The following DOCK5 variants were observed in gnomAD, a reference collection of about 807,000 sequenced individuals.
The protein encoded by DOCK5 is dedicator of cytokinesis protein 5.
A neutral mutation model predicts 251.8 loss-of-function variants in DOCK5; 142 were observed. That is an observed-to-expected ratio of 0.56 (90% CI 0.49 to 0.65). DOCK5 has a LOEUF of 0.65. Ranked by LOEUF, DOCK5 falls within the 30% of genes least tolerant of loss-of-function variation. The probability of loss-of-function intolerance (pLI) is 0.00; values close to 1 mark genes in which losing one functional copy is unlikely to be tolerated. For missense variants in DOCK5, 2,111 were observed against 2,312.3 expected (o/e 0.91, Z 1.79); for synonymous variants, 842 against 835.5 (o/e 1.01, Z -0.13).
At chr8:25,302,906 G>A (rs758115520) in intron 10 of DOCK5, among the ~76,000 whole-genome samples, 43 of 152,214 alleles carry the variant, frequency 2.8e-4, no homozygotes, top group Non-Finnish European at 5.9e-4. Flanking sequence ...TCAGGGGCTG[G>A]AGAGGGGGAA....
At chr8:25,235,865 T>G (rs1802783626) in intron 1 of DOCK5, among the ~76,000 whole-genome samples, 1 of 148,904 alleles carries the variant, frequency 6.7e-6, no homozygotes, top group Non-Finnish European at 1.5e-5. Flanking sequence ...TGGCACGATC[T>G]CAGCTCACTG....
intron 22 of DOCK5, among the ~76,000 whole-genome samples, chr8:25,337,515 G>GT (rs1805844951): frequency 1.3e-5 from 2 of 151,176 alleles, no homozygotes; most frequent in Non-Finnish European, 2.9e-5. Flanking sequence ...AAAAATGAAT[G>GT]TGAAAGTATG....
chr8:25,408,965 G>A, intron 50 of DOCK5, 25 bp downstream of exon 50: 1 of 1,613,822 alleles, frequency 6.2e-7, no homozygotes, highest in Non-Finnish European at 8.5e-7. Context: ...ATTCCTTATA[G>A]TCTTTTTACT....
rs545745425 is a variant in DOCK5 at position 25,270,656 on chromosome 8, C to T, written c.168+1771C>T. On this transcript the variant is annotated intron_variant, in intron 3 of 51. Coordinates refer to ENST00000276440, the MANE Select transcript of DOCK5 (RefSeq NM_024940.8). ...GATTTTTCACTGCGAAATTCAATTA[C>T]GTTCAACCAAGGTCCTAGATCAGGT... 235 of 416,472 alleles carry T rather than the reference C, an allele frequency of 5.6e-4. 5 individuals carry two copies. In the South Asian group the frequency reaches 0.021, roughly 36 times the overall value. The allele number at this position is 416,472 out of a possible 1,614,324, so 25.8% of individuals were successfully genotyped here.
chr8:25,355,019 A>G (rs1212525035), intron 27 of DOCK5, among the ~76,000 whole-genome samples: 2 of 152,158 alleles, frequency 1.3e-5, no homozygotes, highest in African/African-American at 4.8e-5. Context: ...GTATTGCTTA[A>G]AGCCAGGAGT....
intron 26 of DOCK5, among the ~76,000 whole-genome samples, chr8:25,349,673 CA>C (rs1800432055): frequency 6.6e-6 from 1 of 152,118 alleles, no homozygotes; most frequent in Non-Finnish European, 1.5e-5. Context: ...AATGGAAAAT[CA>C]AATATTATAT....
intron 2 of DOCK5, among the ~76,000 whole-genome samples, chr8:25,260,720 A>C (rs1803554313): frequency 3.3e-5 from 5 of 152,200 alleles, no homozygotes; most frequent in African/African-American, 1.2e-4. Flanking sequence ...TGTATAATGA[A>C]TGAATGACCA....
chr8:25,392,060 C>A, intron 43 of DOCK5, 80 bp downstream of exon 43: 2 of 1,360,278 alleles, frequency 1.5e-6, no homozygotes, highest in Non-Finnish European at 2.0e-6. Flanking sequence ...TCCCAGCATT[C>A]TGGGAGGCCG....
chr8:25,185,473 C>G (rs1479291045), intron 1 of DOCK5, among the ~76,000 whole-genome samples: 1 of 152,114 alleles, frequency 6.6e-6, no homozygotes, highest in African/African-American at 2.4e-5. Context: ...AGACTGGGAT[C>G]TTGATGACAG....
At chr8:25,271,921 G>C (rs1033519757) in intron 3 of DOCK5, among the ~76,000 whole-genome samples, 1 of 152,124 alleles carries the variant, frequency 6.6e-6, no homozygotes, top group African/African-American at 2.4e-5. Flanking sequence ...GTGTCATCAT[G>C]GAAAGGTGAA....
chr8:25,304,329 T>C lies in DOCK5; in HGVS notation c.1049+2T>C, dbSNP rs1364526227. 1 of 1,606,266 alleles carries C rather than the reference T, an allele frequency of 6.2e-7. No homozygotes were observed. The highest frequency in any genetic ancestry group is 8.5e-7 in the Non-Finnish European group (1 of 1,176,380). On this transcript the variant is annotated splice_donor_variant, in intron 11 of 51. Transcript: ENST00000276440. LOFTEE classifies it high-confidence loss of function. ...GCAGCATTTTATTCCCTTTCAGCAG[T>C]AAGTACTTTGGCATGTGTCCCAGGT...
At chr8:25,256,079 A>G (rs1337162324) in intron 2 of DOCK5, among the ~76,000 whole-genome samples, 1 of 152,224 alleles carries the variant, frequency 6.6e-6, no homozygotes, top group Non-Finnish European at 1.5e-5. Context: ...CAAGCTACAA[A>G]TAAGAATGGA....
intron 1 of DOCK5, among the ~76,000 whole-genome samples, chr8:25,217,383 C>T (rs540669595): frequency 2.0e-4 from 31 of 152,074 alleles, no homozygotes; most frequent in Admixed American, 1.2e-3. Context: ...TAATGAACAA[C>T]TTAAAAACGG....
chr8:25,305,858 C>G (rs1456406461), intron 11 of DOCK5, among the ~76,000 whole-genome samples: 1 of 152,140 alleles, frequency 6.6e-6, no homozygotes, highest in Non-Finnish European at 1.5e-5. Context: ...CCATGATTAA[C>G]AGTGATTATT....
At chr8:25,230,258 C>G (rs1348396032) in intron 1 of DOCK5, among the ~76,000 whole-genome samples, 1 of 152,138 alleles carries the variant, frequency 6.6e-6, no homozygotes, top group African/African-American at 2.4e-5. Flanking sequence ...ACCAGGAGCA[C>G]CAGTGGTATC....
At chr8:25,323,527 G>A (rs80344142) in intron 16 of DOCK5, among the ~76,000 whole-genome samples, 5,563 of 152,210 alleles carry the variant, frequency 0.037, 315 homozygotes, top group African/African-American at 0.13. Flanking sequence ...GCAAGATGGA[G>A]AGAGAAGAGA....
intron 16 of DOCK5, among the ~76,000 whole-genome samples, 181 bp from the exon 17 acceptor site, chr8:25,323,667 T>C (rs1805484750): frequency 6.6e-6 from 1 of 152,028 alleles, no homozygotes; most frequent in Non-Finnish European, 1.5e-5. Context: ...GAGGAGAGCA[T>C]ACTTGGGGGT....
At chr8:25,375,055 G>C in intron 37 of DOCK5, 1 of 961,774 alleles carries the variant, frequency 1.0e-6, no homozygotes, top group Non-Finnish European at 1.3e-6. Flanking sequence ...TTGTGGTTTA[G>C]ATATAAATAC....
At chr8:25,341,114 T>TA in intron 23 of DOCK5, 126 bp downstream of exon 23, 1 of 612,246 alleles carries the variant, frequency 1.6e-6, no homozygotes, top group Non-Finnish European at 2.8e-6. Flanking sequence ...CTTATGAATT[T>TA]TAGTATGATT....
Sources: allele counts gnomAD v4.1 joint callset (sites outside exome capture counted in the v4.1 genomes callset), GRCh38; gene constraint gnomAD v4.1.1; transcripts MANE v1.5; gene names NCBI Gene and HGNC (gene_info 2026-07-23, HGNC 2026-07-21).